FANCD2: variants seen among roughly 807,000 people sequenced by gnomAD.
FANCD2 encodes the protein FA complementation group D2, also known as Fanconi anemia group D2 protein.
A neutral mutation model predicts 192.3 loss-of-function variants in FANCD2; 131 were observed. That is an observed-to-expected ratio of 0.68 (90% confidence interval 0.59 to 0.79). The LOEUF (loss-of-function observed/expected upper bound fraction) is 0.79, where lower values mean the gene tolerates loss of function less well. Among genes scored for constraint, FANCD2 ranks in the 30% least tolerant of loss-of-function variants. FANCD2 has a pLI of 0.00. For synonymous variants in FANCD2, 524 were observed against 612.5 expected (o/e 0.86, Z 2.13); for missense variants, 1,508 against 1,701.6 (o/e 0.89, Z 2.00).
chr3:10,060,477 C>T, intron 19 of FANCD2, 74 bp downstream of exon 19: 1 of 1,118,572 alleles, frequency 8.9e-7, no homozygotes, highest in Non-Finnish European at 1.4e-6. Flanking sequence ...ATCTCATAGA[C>T]ATCATTTTAG....
At chr3:10,042,936 A>G (rs562899539) in intron 11 of FANCD2, 114 bp from the exon 12 acceptor site, 17 of 970,900 alleles carry the variant, frequency 1.8e-5, no homozygotes, top group Admixed American at 1.2e-4. Flanking sequence ...AATGTCCAAC[A>G]TTTAAATTTT....
At chr3:10,038,332 T>C (rs771941551) in intron 7 of FANCD2, among the ~76,000 whole-genome samples, 3 of 152,104 alleles carry the variant, frequency 2.0e-5, no homozygotes, top group Non-Finnish European at 4.4e-5. Context: ...AAATGTCTCA[T>C]GCTGGATGCT....
chr3:10,064,615 T>C (rs1037541248), intron 22 of FANCD2, 114 bp from the exon 23 acceptor site: 41 of 1,324,226 alleles, frequency 3.1e-5, no homozygotes, highest in Middle Eastern at 2.1e-4. Context: ...TCACTGTTTG[T>C]TCTTCTAATT....
At chr3:10,062,945 C>T (rs1177880835) in intron 20 of FANCD2, among the ~76,000 whole-genome samples, 2 of 152,124 alleles carry the variant, frequency 1.3e-5, no homozygotes, top group Non-Finnish European at 2.9e-5. Context: ...AGGTGATCTG[C>T]CCCCATCAGC....
At chr3:10,035,312 A>G (rs2086701375) in intron 6 of FANCD2, 79 bp downstream of exon 6, 4 of 1,220,590 alleles carry the variant, frequency 3.3e-6, no homozygotes, top group Non-Finnish European at 4.9e-6. Flanking sequence ...GCGGGAACAC[A>G]GGATAGAGTA....
chr3:10,055,017 A>T (rs1158568513), intron 18 of FANCD2, among the ~76,000 whole-genome samples: 2 of 152,222 alleles, frequency 1.3e-5, no homozygotes, highest in South Asian at 4.1e-4. Context: ...TGTTCTGAGA[A>T]TTTACAAATT....
chr3:10,080,718 C>T (rs1194271769), intron 30 of FANCD2, among the ~76,000 whole-genome samples: 1 of 152,208 alleles, frequency 6.6e-6, no homozygotes, highest in Admixed American at 6.5e-5. Flanking sequence ...CTGCAGTGAG[C>T]TGTGATCGTG....
chr3:10,074,778 A>G (rs757423861), intron 29 of FANCD2, 105 bp downstream of exon 29: 4 of 1,087,522 alleles, frequency 3.7e-6, no homozygotes, highest in Non-Finnish European at 5.5e-6. Flanking sequence ...GAGAAGTTAG[A>G]CTGACTTTTA....
At chr3:10,080,985 T>G (rs541649024) in intron 30 of FANCD2, 115 bp from the exon 31 acceptor site, 9 of 1,117,894 alleles carry the variant, frequency 8.1e-6, no homozygotes, top group African/African-American at 4.6e-5. Flanking sequence ...AACAACTCAT[T>G]TCTCCCATCT....
rs1348547984 is a variant in FANCD2 at position 10,096,354 on chromosome 3, A to G, written c.4067A>G (p.His1356Arg). ...KIHQDTRLTQ[H>R]VPLLKKTLEL... ...CACCAGGACACGAGACTCACCCAACATGTGCCTCTGCTCAAAAAGACCCTG... is the reference window on the plus strand; with the variant it reads ...CACCAGGACACGAGACTCACCCAACGTGTGCCTCTGCTCAAAAAGACCCTG... The change falls in exon 42 of 44, where the codon CAT (histidine) becomes CGT (arginine). Residue 1356 changes from histidine to arginine, a missense_variant. Coordinates refer to ENST00000675286, the MANE Select transcript of FANCD2 (RefSeq NM_001018115.3). 1.9e-6 allele frequency: 3 copies of G among 1,614,168 alleles called. No homozygotes were observed. Among genetic ancestry groups the G allele is most frequent in the Non-Finnish European group, 2.5e-6 (3 of 1,179,992 alleles).
chr3:10,039,838 G>A lies in FANCD2; in HGVS notation c.688G>A (p.Glu230Lys). The change falls in exon 9 of 44, where the codon GAA becomes AAA. Residue 230 changes from glutamate to lysine, a missense_variant. Transcript: ENST00000675286. ...GDSQHADVGKELSDLLIENTS... is the reference protein window; with the variant it reads ...GDSQHADVGKKLSDLLIENTS... ...TTCCCAGCACGCTGATGTGGGGAAA[G>A]AACTCAGGTGGATAAACCCTCTGTC... 2 of 1,614,022 alleles carry A rather than the reference G, an allele frequency of 1.2e-6. No homozygotes were observed. Among genetic ancestry groups the A allele is most frequent in the Non-Finnish European group, 1.7e-6 (2 of 1,180,016 alleles).
chr3:10,083,218 C>G (rs1693953467), intron 32 of FANCD2, among the ~76,000 whole-genome samples: 1 of 151,450 alleles, frequency 6.6e-6, no homozygotes, highest in Non-Finnish European at 1.5e-5. Flanking sequence ...CAGAACCAGA[C>G]CCCATCTCAA....
At chr3:10,031,376 A>ATG (rs1553606620) in intron 2 of FANCD2, among the ~76,000 whole-genome samples, 10 of 151,858 alleles carry the variant, frequency 6.6e-5, no homozygotes, top group Non-Finnish European at 1.5e-4. Flanking sequence ...GGTGGTGTGC[A>ATG]CCTGTAGTCC....
intron 16 of FANCD2, among the ~76,000 whole-genome samples, chr3:10,048,343 G>T (rs1008261867): frequency 4.6e-5 from 7 of 152,134 alleles, no homozygotes; most frequent in African/African-American, 1.7e-4. Flanking sequence ...TGCTCTTCAT[G>T]CCCAGGCTGG....
intron 18 of FANCD2, among the ~76,000 whole-genome samples, chr3:10,056,532 A>T (rs2087417941): frequency 1.3e-5 from 2 of 152,024 alleles, no homozygotes; most frequent in Non-Finnish European, 2.9e-5. Context: ...TAATTAATTT[A>T]AAAATTATTA....
intron 18 of FANCD2, among the ~76,000 whole-genome samples, chr3:10,054,466 TATATA>T (rs1476836667): frequency 1.2e-3 from 36 of 31,108 alleles, no homozygotes; most frequent in East Asian, 3.2e-3. Flanking sequence ...TATATATATA[TATATA>T]TATTTTTTTT....
intron 18 of FANCD2, among the ~76,000 whole-genome samples, chr3:10,056,068 G>C (rs6802535): frequency 6.6e-6 from 1 of 151,920 alleles, no homozygotes; most frequent in Admixed American, 6.6e-5. Context: ...TAGTAGAGAT[G>C]GGATTTTGCC....
At chr3:10,081,946 T>C (rs748527843) in intron 32 of FANCD2, among the ~76,000 whole-genome samples, 1 of 152,214 alleles carries the variant, frequency 6.6e-6, no homozygotes, top group African/African-American at 2.4e-5. Context: ...CTTTTGTTCC[T>C]CAGGGACAGG....
chr3:10,079,324 A>C (rs1199413611), intron 30 of FANCD2, among the ~76,000 whole-genome samples: 1 of 151,866 alleles, frequency 6.6e-6, no homozygotes, highest in Non-Finnish European at 1.5e-5. Flanking sequence ...TCTTTTTTTG[A>C]GACGGAGTCT....
Sources: allele counts gnomAD v4.1 joint callset (sites outside exome capture counted in the v4.1 genomes callset), GRCh38; gene constraint gnomAD v4.1.1; transcripts MANE v1.5; gene names NCBI Gene and HGNC (gene_info 2026-07-23, HGNC 2026-07-21).